The following WBP1L variants were observed in gnomAD, a reference collection of about 807,000 sequenced individuals.
WBP1L encodes the protein WW domain binding protein 1-like.
A neutral mutation model predicts 33.7 loss-of-function variants in WBP1L; 17 were observed. The ratio of observed to expected loss-of-function variants is 0.50; its 90% CI spans 0.34 to 0.76. The LOEUF is 0.76. Ranked by LOEUF, WBP1L falls within the 30% of genes least tolerant of loss-of-function variation. The pLI is 0.01. For missense variants in WBP1L, 389 were observed against 469.4 expected (o/e 0.83, Z 1.58); for synonymous variants, 173 against 190.8 (o/e 0.91, Z 0.77).
chr10:102,773,565 C>T (rs553258), intron 1 of WBP1L, among the ~76,000 whole-genome samples: 71,151 of 151,758 alleles, frequency 0.47, 17,828 homozygotes, highest in East Asian at 0.77. Context: ...TGCAATTCCA[C>T]TTCTGAGATC....
At chr10:102,810,107 C>T (rs1843808298) in intron 3 of WBP1L, 53 bp downstream of exon 3, 1 of 1,555,034 alleles carries the variant, frequency 6.4e-7, no homozygotes, top group African/African-American at 1.4e-5. Flanking sequence ...GTGCACAGAC[C>T]CAGGGCTCAC....
intron 1 of WBP1L, among the ~76,000 whole-genome samples, chr10:102,773,054 C>A (rs994874450): frequency 6.6e-6 from 1 of 151,758 alleles, no homozygotes; most frequent in African/African-American, 2.4e-5. Flanking sequence ...GGCTGGATCA[C>A]GTACATAGGA....
chr10:102,754,732 T>C (rs974722250), intron 1 of WBP1L, among the ~76,000 whole-genome samples: 1 of 151,916 alleles, frequency 6.6e-6, no homozygotes, highest in Non-Finnish European at 1.5e-5. Context: ...AGCGTCAGGG[T>C]CTCGCTATGC....
intron 3 of WBP1L, among the ~76,000 whole-genome samples, chr10:102,811,125 G>A (rs1328139429): frequency 6.6e-6 from 1 of 151,984 alleles, no homozygotes; most frequent in Non-Finnish European, 1.5e-5. Context: ...AACAATTGTG[G>A]GCCGGGCTCA....
At position 102,812,956 on chromosome 10, in the gene WBP1L, T is replaced by C. The variant is rs1450937503; in HGVS notation, c.717T>C (p.Cys239=). ...CCTTCCTGGACAAAGATGCAGAATG[T>C]AGGGAGGAGCTGCTGAAAGATGACA... ...PGAFLDKDAE[C]REELLKDDSS... Residue 239 remains cysteine (C), a synonymous_variant, in exon 4 of 4, where the codon TGT becomes TGC. Transcript: ENST00000448841. The C allele has an allele frequency of 3.1e-6, 5 of 1,608,406 alleles. No individual in the cohort carries two copies. The highest frequency in any genetic ancestry group is 4.3e-6 in the Non-Finnish European group (5 of 1,176,266).
Position 102,809,808 on chromosome 10 carries a change from G to A in WBP1L, c.194-85G>A, listed in dbSNP as rs1490105314. The A allele has an allele frequency of 4.7e-6, 7 of 1,489,182 alleles. No homozygotes were observed. In the South Asian group the frequency reaches 5.2e-5, roughly 11 times the overall value. 92.2% of individuals were successfully genotyped at this position (1,489,182 alleles called of 1,614,324 possible). A position where few individuals can be genotyped will look rare whatever the true frequency, so the allele number is the denominator to read the frequency against. On this transcript the variant is annotated intron_variant, in intron 2 of 3. Transcript: ENST00000448841. Reference sequence around the variant, plus strand: ...TGCCAGCTTCAACCACGTGGGCACCGTCCAGGGACCTCCCTGTTCCGCAAG... The same window carrying A: ...TGCCAGCTTCAACCACGTGGGCACCATCCAGGGACCTCCCTGTTCCGCAAG...
At chr10:102,789,210 G>A (rs962505885) in intron 1 of WBP1L, among the ~76,000 whole-genome samples, 1 of 152,160 alleles carries the variant, frequency 6.6e-6, no homozygotes, top group Non-Finnish European at 1.5e-5. Context: ...TGATCCACCT[G>A]CCTCAGCCTC....
intron 1 of WBP1L, among the ~76,000 whole-genome samples, chr10:102,748,321 AT>A (rs1245323274): frequency 6.6e-6 from 1 of 151,336 alleles, no homozygotes; most frequent in Non-Finnish European, 1.5e-5. Flanking sequence ...AGTTCCTGCT[AT>A]TTTTTCCCAC....
At chr10:102,800,221 A>C (rs576431671) in intron 2 of WBP1L, among the ~76,000 whole-genome samples, 134 of 152,352 alleles carry the variant, frequency 8.8e-4, no homozygotes, top group Non-Finnish European at 1.4e-3. Flanking sequence ...CAAAAGTTGA[A>C]GCTGGGCTGC....
chr10:102,763,255 A>C (rs1843066452), intron 1 of WBP1L, among the ~76,000 whole-genome samples: 1 of 149,950 alleles, frequency 6.7e-6, no homozygotes, highest in African/African-American at 2.5e-5. Flanking sequence ...GACACTGGAG[A>C]GATAACGATA....
At chr10:102,762,706 CT>C (rs774215120) in intron 1 of WBP1L, among the ~76,000 whole-genome samples, 1 of 152,178 alleles carries the variant, frequency 6.6e-6, no homozygotes, top group Non-Finnish European at 1.5e-5. Flanking sequence ...AAATCCTACT[CT>C]TATCTGAGAT....
chr10:102,758,042 G>A (rs544048768), intron 1 of WBP1L, among the ~76,000 whole-genome samples: 23 of 151,226 alleles, frequency 1.5e-4, no homozygotes, highest in African/African-American at 5.6e-4. Context: ...CCGCTACCAC[G>A]CCTGGCTAAT....
intron 1 of WBP1L, among the ~76,000 whole-genome samples, chr10:102,766,909 T>A (rs539153154): frequency 9.4e-4 from 142 of 151,480 alleles, no homozygotes; most frequent in African/African-American, 3.3e-3. Flanking sequence ...CCTCCTTTTG[T>A]TCTTATTCCG....
chr10:102,757,602 A>G (rs572006370), intron 1 of WBP1L, among the ~76,000 whole-genome samples: 1 of 115,186 alleles, frequency 8.7e-6, no homozygotes, highest in Non-Finnish European at 1.7e-5. Flanking sequence ...TGTTGATACA[A>G]GCTCTCCCTG....
At chr10:102,745,859 G>T (rs1321618582) in intron 1 of WBP1L, among the ~76,000 whole-genome samples, 1 of 152,142 alleles carries the variant, frequency 6.6e-6, no homozygotes, top group Non-Finnish European at 1.5e-5. Flanking sequence ...ATCATAAACT[G>T]GCAGAAGAAA....
At chr10:102,767,586 A>G (rs1002608346) in intron 1 of WBP1L, among the ~76,000 whole-genome samples, 17 of 152,250 alleles carry the variant, frequency 1.1e-4, no homozygotes, top group African/African-American at 3.9e-4. Flanking sequence ...GGAGTCAGGA[A>G]CCTAGGACTC....
intron 1 of WBP1L, chr10:102,775,988 TC>T (rs1843255894): frequency 1.4e-5 from 8 of 590,054 alleles, no homozygotes; most frequent in Non-Finnish European, 1.7e-5. Flanking sequence ...GCCCCCACCA[TC>T]CTCCCACAGT....
At chr10:102,805,227 G>C (rs1843713328) in intron 2 of WBP1L, among the ~76,000 whole-genome samples, 1 of 152,120 alleles carries the variant, frequency 6.6e-6, no homozygotes, top group Admixed American at 6.5e-5. Flanking sequence ...GCTGTAGTGA[G>C]TTCTGGTCTC....
chr10:102,810,350 ACTTCCTCCCTTCCTCCCTCCCTTC>A (rs1210620392), intron 3 of WBP1L, among the ~76,000 whole-genome samples: 3 of 144,706 alleles, frequency 2.1e-5, no homozygotes, highest in Non-Finnish European at 3.0e-5. Flanking sequence ...TACCTACCTA[ACTTCCTCCCTTCCTCCCTCCCTTC>A]CTTCCTCCCT....
Sources: gnomAD v4.1 joint callset for allele counts (sites outside exome capture counted in the v4.1 genomes callset) on GRCh38, gnomAD v4.1.1 for gene constraint, MANE v1.5 for transcripts, NCBI Gene and HGNC (gene_info 2026-07-23, HGNC 2026-07-21) for gene names.